DNAJC3: variants seen among roughly 807,000 people sequenced by gnomAD.
DNAJC3 encodes dnaJ homolog subfamily C member 3.
DNAJC3 carries 38 observed loss-of-function variants against 68.6 expected under a neutral mutation model. The ratio of observed to expected loss-of-function variants is 0.55; its 90% confidence interval spans 0.43 to 0.73. The LOEUF (loss-of-function observed/expected upper bound fraction) is 0.73. Ranked by LOEUF, DNAJC3 falls within the 30% of genes least tolerant of loss-of-function variation. The pLI, the probability that DNAJC3 is intolerant of heterozygous loss-of-function variation, is 0.00. For missense variants in DNAJC3, 526 were observed against 591.9 expected (o/e 0.89, Z 1.16); for synonymous variants, 203 against 204.0 (o/e 1.00, Z 0.04).
chr13:95,780,241 T>C (rs913865013), intron 9 of DNAJC3, among the ~76,000 whole-genome samples: 1 of 151,986 alleles, frequency 6.6e-6, no homozygotes, highest in African/African-American at 2.4e-5. Context: ...ACCAAAGGGG[T>C]GTGTGTTTTG....
At chr13:95,684,088 A>C (rs1371034879) in intron 1 of DNAJC3, among the ~76,000 whole-genome samples, 1 of 152,116 alleles carries the variant, frequency 6.6e-6, no homozygotes, top group Non-Finnish European at 1.5e-5. Context: ...TAATGGGCAG[A>C]GGTTGGGACA....
At chr13:95,745,619 TCAAA>T (rs1882280410) in intron 4 of DNAJC3, 2 of 152,238 alleles carry the variant, frequency 1.3e-5, no homozygotes, top group South Asian at 4.1e-4. Context: ...CTCTTTGTTT[TCAAA>T]CAAATTCCTT....
intron 3 of DNAJC3, among the ~76,000 whole-genome samples, chr13:95,724,432 C>T (rs1478478242): frequency 6.6e-6 from 1 of 152,126 alleles, no homozygotes; most frequent in African/African-American, 2.4e-5. Flanking sequence ...GGGGGAGAAA[C>T]TGGTGCATGT....
chr13:95,785,277 C>A (rs1260009730), intron 9 of DNAJC3, among the ~76,000 whole-genome samples: 1 of 151,998 alleles, frequency 6.6e-6, no homozygotes, highest in Admixed American at 6.6e-5. Flanking sequence ...TGTGTAACAA[C>A]CACTTAGTCT....
intron 9 of DNAJC3, among the ~76,000 whole-genome samples, chr13:95,764,958 T>C (rs1318888660): frequency 1.3e-5 from 2 of 151,972 alleles, no homozygotes; most frequent in Admixed American, 1.3e-4. Flanking sequence ...TGGTAAAATT[T>C]GGTTTGTGAT....
At chr13:95,784,013 T>C (rs1030606845) in intron 9 of DNAJC3, among the ~76,000 whole-genome samples, 2 of 152,186 alleles carry the variant, frequency 1.3e-5, no homozygotes, top group African/African-American at 4.8e-5. Flanking sequence ...TGCAGGCCAG[T>C]TGGAGTTTTT....
At chr13:95,771,160 T>G (rs1439599528) in intron 9 of DNAJC3, among the ~76,000 whole-genome samples, 1 of 152,202 alleles carries the variant, frequency 6.6e-6, no homozygotes, top group Non-Finnish European at 1.5e-5. Context: ...ATACTTCAAC[T>G]TGTATATCAT....
intron 9 of DNAJC3, among the ~76,000 whole-genome samples, chr13:95,782,938 T>C (rs1488197484): frequency 1.3e-5 from 2 of 152,232 alleles, no homozygotes; most frequent in African/African-American, 2.4e-5. Flanking sequence ...AGGGTTTTTA[T>C]GGTTTTATGT....
intron 9 of DNAJC3, among the ~76,000 whole-genome samples, chr13:95,772,127 G>A (rs1330446748): frequency 6.6e-6 from 1 of 152,196 alleles, no homozygotes; most frequent in East Asian, 1.9e-4. Flanking sequence ...AGGCATGGCT[G>A]TGTTCCAATA....
chr13:95,700,093 A>G (rs908725457), intron 1 of DNAJC3, among the ~76,000 whole-genome samples: 3 of 152,054 alleles, frequency 2.0e-5, no homozygotes, highest in Admixed American at 6.6e-5. Context: ...GGGATAATAG[A>G]TGTGAGCCAT....
chr13:95,677,483 C>A, intron 1 of DNAJC3, 146 bp downstream of exon 1: 1 of 776,980 alleles, frequency 1.3e-6, no homozygotes, highest in Non-Finnish European at 1.9e-6. Context: ...TGGGCCTGAG[C>A]CCGCGCCCGG....
At chr13:95,760,576 T>G (rs985645282) in intron 6 of DNAJC3, 103 bp from the exon 7 acceptor site, 5 of 1,440,652 alleles carry the variant, frequency 3.5e-6, no homozygotes, top group Non-Finnish European at 4.6e-6. Context: ...TGGTTTTTGT[T>G]TAATCGTTGC....
chr13:95,682,258 G>T (rs1278227545), intron 1 of DNAJC3, among the ~76,000 whole-genome samples: 1 of 152,108 alleles, frequency 6.6e-6, no homozygotes, highest in Admixed American at 6.5e-5. Context: ...TTAGCCTTCT[G>T]TTCTTTTTTA....
At chr13:95,765,535 G>T (rs2139679862) in intron 9 of DNAJC3, among the ~76,000 whole-genome samples, 1 of 147,664 alleles carries the variant, frequency 6.8e-6, no homozygotes, top group South Asian at 2.2e-4. Flanking sequence ...GGAAGAAAAA[G>T]ATGCTTAGTG....
chr13:95,704,851 G>T (rs113909333), intron 1 of DNAJC3, among the ~76,000 whole-genome samples: 1,356 of 97,842 alleles, frequency 0.014, 55 homozygotes, highest in African/African-American at 0.065. Flanking sequence ...GTGTGTGTGT[G>T]TTTTTTTTTT....
chr13:95,791,212 G>T lies in DNAJC3; in HGVS notation c.*182G>T. The T allele has an allele frequency of 1.5e-6, 1 of 650,616 alleles. No homozygotes were observed. Among genetic ancestry groups the T allele is most frequent in the South Asian group, 2.0e-5 (1 of 50,522 alleles). 40.3% of individuals were successfully genotyped at this position (650,616 alleles called of 1,614,324 possible). On this transcript the variant is annotated 3_prime_UTR_variant, in exon 12 of 12. Coordinates refer to ENST00000602402, the MANE Select transcript of DNAJC3 (RefSeq NM_006260.5). ...ATTTATGGTTAATGGGTTTGCAACG[G>T]CAAGGAGGCAAGGAATGGTTCTATT... is the stretch of plus-strand genomic sequence containing the variant.
chr13:95,692,030 C>CAGAGGGAGACCATGGAAAGAGAGGG (rs1417628467), intron 1 of DNAJC3, among the ~76,000 whole-genome samples: 2 of 151,156 alleles, frequency 1.3e-5, no homozygotes, highest in East Asian at 1.9e-4. Flanking sequence ...AGCTCGGCAT[C>CAGAGGGAGACCATGGAAAGAGAGGG]AGAGGGAGAC....
At chr13:95,761,423 C>T (rs1882816157) in intron 7 of DNAJC3, among the ~76,000 whole-genome samples, 1 of 152,166 alleles carries the variant, frequency 6.6e-6, no homozygotes, top group African/African-American at 2.4e-5. Flanking sequence ...GCAGACAAAA[C>T]TGCCTAATAG....
chr13:95,764,217 A>T (rs1215872894), intron 9 of DNAJC3, among the ~76,000 whole-genome samples: 2 of 152,142 alleles, frequency 1.3e-5, no homozygotes, highest in Non-Finnish European at 2.9e-5. Context: ...AGGAAAAAAA[A>T]TAACAAAATA....
Sources: gnomAD v4.1 joint callset for allele counts (sites outside exome capture counted in the v4.1 genomes callset) on GRCh38, gnomAD v4.1.1 for gene constraint, MANE v1.5 for transcripts, NCBI Gene and HGNC (gene_info 2026-07-23, HGNC 2026-07-21) for gene names.